Variants in FHIT observed in about 807,000 individuals in gnomAD.
The protein encoded by FHIT is bis(5'-adenosyl)-triphosphatase.
FHIT carries 19 observed loss-of-function variants against 17.9 expected under a neutral mutation model. The observed-to-expected ratio is 1.06, with a 90% CI of 0.74 to 1.56. FHIT has a LOEUF of 1.56. Ranked by LOEUF, FHIT falls within the 40% of genes most tolerant of loss-of-function variation. The pLI is 0.00. For missense variants in FHIT, 248 were observed against 189.2 expected (o/e 1.31, Z -1.82); for synonymous variants, 81 against 69.7 (o/e 1.16, Z -0.81).
intron 5 of FHIT, among the ~76,000 whole-genome samples, chr3:60,022,655 G>C (rs574312660): frequency 5.6e-4 from 86 of 152,264 alleles, no homozygotes; most frequent in South Asian, 2.5e-3. Flanking sequence ...CAACCAACTT[G>C]TAGTAGCTAT....
chr3:60,422,674 A>G (rs550276498), intron 5 of FHIT, among the ~76,000 whole-genome samples: 1 of 152,074 alleles, frequency 6.6e-6, no homozygotes, highest in East Asian at 1.9e-4. Context: ...TTCATTTCGT[A>G]ATGGAGAAAA....
At chr3:60,680,299 C>T (rs544716147) in intron 4 of FHIT, among the ~76,000 whole-genome samples, 2 of 152,288 alleles carry the variant, frequency 1.3e-5, no homozygotes, top group South Asian at 4.1e-4. Flanking sequence ...TTCCTGATTA[C>T]TTTTGCAGTT....
intron 4 of FHIT, among the ~76,000 whole-genome samples, chr3:60,557,617 C>T (rs1202464214): frequency 6.6e-6 from 1 of 151,720 alleles, no homozygotes; most frequent in African/African-American, 2.4e-5. Context: ...GCCTCATCTG[C>T]TTGCTTGGTT....
At chr3:61,173,647 C>T (rs1423556355) in intron 2 of FHIT, among the ~76,000 whole-genome samples, 1 of 152,154 alleles carries the variant, frequency 6.6e-6, no homozygotes, top group African/African-American at 2.4e-5. Context: ...TACAAATTTC[C>T]TACCACTCTA....
chr3:61,084,578 GT>G (rs2035248299), intron 2 of FHIT, among the ~76,000 whole-genome samples: 1 of 152,068 alleles, frequency 6.6e-6, no homozygotes, highest in Admixed American at 6.6e-5. Flanking sequence ...ACCTTTCTCT[GT>G]AGAGGTCTAA....
chr3:61,186,972 T>C (rs1179072697), intron 2 of FHIT, among the ~76,000 whole-genome samples: 1 of 152,182 alleles, frequency 6.6e-6, no homozygotes, highest in Non-Finnish European at 1.5e-5. Flanking sequence ...AAGATTTACA[T>C]AACTTTTAAT....
intron 5 of FHIT, among the ~76,000 whole-genome samples, chr3:60,231,008 A>G (rs1704469048): frequency 6.6e-6 from 1 of 152,174 alleles, no homozygotes; most frequent in Non-Finnish European, 1.5e-5. Flanking sequence ...TCCTGGCCTT[A>G]AAATATTTCA....
intron 5 of FHIT, among the ~76,000 whole-genome samples, chr3:60,522,709 A>C (rs1194981435): frequency 6.6e-6 from 1 of 152,206 alleles, no homozygotes; most frequent in East Asian, 1.9e-4. Flanking sequence ...CATCTCCTTG[A>C]GGAAGAATTC....
Position 61,174,525 on chromosome 3 carries a change from G to C in FHIT, c.-164+26092C>G, listed in dbSNP as rs190213819. Among the ~76,000 whole-genome samples the C allele has an allele frequency of 1.6e-4, 25 of 152,212 alleles. No individual in the cohort carries two copies. In the South Asian group the frequency reaches 3.3e-3, roughly 20 times the overall value. Reference sequence around the variant, plus strand: ...GATCTATTCAGAGTTTACTCTGGGCGGGGGGGACCTCATGATTCCATCTTT... The same window carrying C: ...GATCTATTCAGAGTTTACTCTGGGCCGGGGGGACCTCATGATTCCATCTTT... On this transcript the variant is annotated intron_variant, in intron 2 of 9. Coordinates refer to ENST00000492590, the MANE Select transcript of FHIT (RefSeq NM_002012.4).
chr3:60,714,752 G>C (rs1259371328), intron 4 of FHIT, among the ~76,000 whole-genome samples: 2 of 152,236 alleles, frequency 1.3e-5, no homozygotes, highest in East Asian at 3.9e-4. Context: ...TCTTCAAGGA[G>C]AACTACAAAC....
chr3:59,916,244 C>T (rs1038554046), intron 8 of FHIT, among the ~76,000 whole-genome samples: 1 of 152,028 alleles, frequency 6.6e-6, no homozygotes, highest in African/African-American at 2.4e-5. Context: ...TTCTTCCTGC[C>T]CTCGAACATC....
chr3:60,349,973 A>C (rs924246515), intron 5 of FHIT, among the ~76,000 whole-genome samples: 32 of 152,228 alleles, frequency 2.1e-4, no homozygotes, highest in African/African-American at 7.5e-4. Context: ...TGGAACAGCT[A>C]AAATTAAGGC....
At chr3:59,754,849 C>A (rs1701124132) in intron 8 of FHIT, among the ~76,000 whole-genome samples, 1 of 152,188 alleles carries the variant, frequency 6.6e-6, no homozygotes, top group African/African-American at 2.4e-5. Flanking sequence ...AGATTTCCCT[C>A]CTAAAAGCCC....
intron 4 of FHIT, among the ~76,000 whole-genome samples, chr3:60,656,196 T>C (rs1398103070): frequency 6.6e-6 from 1 of 152,314 alleles, no homozygotes; most frequent in Middle Eastern, 3.4e-3. Flanking sequence ...TGAACTCCTG[T>C]TGTTACCTCA....
chr3:59,939,833 G>A (rs1575732411), intron 7 of FHIT, among the ~76,000 whole-genome samples: 2 of 152,268 alleles, frequency 1.3e-5, no homozygotes, highest in East Asian at 1.9e-4. Context: ...GTCTATAGAG[G>A]TAGGGAGTGT....
At chr3:61,246,044 A>G (rs1237496250) in intron 1 of FHIT, among the ~76,000 whole-genome samples, 4 of 152,222 alleles carry the variant, frequency 2.6e-5, no homozygotes, top group Non-Finnish European at 1.5e-5. Context: ...AATGGCCACA[A>G]GAGTGACCTC....
chr3:59,781,123 GA>G (rs1419353681), intron 8 of FHIT, among the ~76,000 whole-genome samples: 1 of 152,188 alleles, frequency 6.6e-6, no homozygotes, highest in Non-Finnish European at 1.5e-5. Context: ...GTAGGATCTT[GA>G]AGGCATTGGT....
chr3:60,411,203 T>C (rs901546959), intron 5 of FHIT, among the ~76,000 whole-genome samples: 18 of 152,148 alleles, frequency 1.2e-4, no homozygotes, highest in African/African-American at 4.3e-4. Flanking sequence ...ATTAGAAAAA[T>C]CTTGAACTAG....
chr3:60,080,816 A>G (rs1268706885), intron 5 of FHIT: 1 of 152,170 alleles, frequency 6.6e-6, no homozygotes, highest in Non-Finnish European at 1.5e-5. Flanking sequence ...TTTGATGACA[A>G]ATCTCAAAAC....
Sources: gnomAD v4.1 joint callset for allele counts (sites outside exome capture counted in the v4.1 genomes callset) on GRCh38, gnomAD v4.1.1 for gene constraint, MANE v1.5 for transcripts, NCBI Gene and HGNC (gene_info 2026-07-23, HGNC 2026-07-21) for gene names.